The following PAPPA2 variants were observed in gnomAD, a reference collection of about 807,000 sequenced individuals.
The protein encoded by PAPPA2 is pappalysin 2, also known as pappalysin-2.
PAPPA2 carries 86 observed loss-of-function variants against 176.4 expected under a neutral mutation model. That is an observed-to-expected ratio of 0.49 (90% CI 0.41 to 0.58). PAPPA2 has a LOEUF of 0.58. Ranked by LOEUF, PAPPA2 falls within the 20% of genes least tolerant of loss-of-function variation. The pLI is 0.00. For synonymous variants in PAPPA2, 809 were observed against 852.2 expected (o/e 0.95, Z 0.88); for missense variants, 2,073 against 2,256.9 (o/e 0.92, Z 1.65).
chr1:176,514,418 C>A (rs1385945697), intron 1 of PAPPA2, among the ~76,000 whole-genome samples: 1 of 152,204 alleles, frequency 6.6e-6, no homozygotes, highest in Admixed American at 6.5e-5. Flanking sequence ...CAGGCTCCAC[C>A]TCCAACACTG....
chr1:176,594,930 T>C lies in PAPPA2; in HGVS notation c.1326T>C (p.Ser442=). 6.2e-7 allele frequency: 1 copy of C among 1,614,190 alleles called. No homozygotes were observed. Among genetic ancestry groups the C allele is most frequent in the Middle Eastern group, 1.6e-4 (1 of 6,062 alleles). The part of the protein sequence containing the change: ...ALPQSHFQHS[S]QHSSGEEEAT... ...CACAAAGCCATTTTCAGCACAGTTC[T>C]CAGCATTCAAGTGGGGAGGAGGAAG... Residue 442 remains serine, a synonymous_variant, in exon 3 of 23, where the codon TCT becomes TCC. Transcript: ENST00000367662.
At chr1:176,560,647 A>C (rs1651610761) in intron 2 of PAPPA2, among the ~76,000 whole-genome samples, 1 of 152,148 alleles carries the variant, frequency 6.6e-6, no homozygotes, top group Non-Finnish European at 1.5e-5. Context: ...GGAACTGAGA[A>C]CTGGACGTAA....
intron 1 of PAPPA2, among the ~76,000 whole-genome samples, chr1:176,492,064 G>C (rs978935156): frequency 6.6e-6 from 1 of 152,192 alleles, no homozygotes; most frequent in African/African-American, 2.4e-5. Flanking sequence ...ATGCCAATGG[G>C]TCAAATGAAT....
intron 4 of PAPPA2, among the ~76,000 whole-genome samples, chr1:176,685,256 C>T (rs533335651): frequency 6.6e-6 from 1 of 152,172 alleles, no homozygotes; most frequent in Non-Finnish European, 1.5e-5. Context: ...ATTTGCCTTA[C>T]TACTTTAATC....
At chr1:176,498,689 G>T (rs1437510572) in intron 1 of PAPPA2, among the ~76,000 whole-genome samples, 2 of 151,010 alleles carry the variant, frequency 1.3e-5, no homozygotes, top group East Asian at 3.9e-4. Flanking sequence ...TTTGGAAGTT[G>T]CAGTGAGCCG....
intron 2 of PAPPA2, among the ~76,000 whole-genome samples, chr1:176,578,710 T>C (rs1040201846): frequency 6.6e-6 from 1 of 152,134 alleles, no homozygotes; most frequent in East Asian, 1.9e-4. Flanking sequence ...GGCATATCCA[T>C]ATAAGGGAGG....
chr1:176,828,342 A>G (rs1444581550), intron 21 of PAPPA2, among the ~76,000 whole-genome samples: 1 of 152,094 alleles, frequency 6.6e-6, no homozygotes, highest in Non-Finnish European at 1.5e-5. Context: ...CAAAAATAGC[A>G]TTTTGCTTCT....
chr1:176,562,344 A>G (rs1651724014), intron 2 of PAPPA2, among the ~76,000 whole-genome samples: 1 of 152,178 alleles, frequency 6.6e-6, no homozygotes, highest in South Asian at 2.1e-4. Context: ...GGAGCTTCAT[A>G]GAAGGCAGAT....
At chr1:176,616,248 T>C in intron 3 of PAPPA2, 3 of 454,248 alleles carry the variant, frequency 6.6e-6, no homozygotes, top group Non-Finnish European at 1.3e-5. Flanking sequence ...CCACTTCCAA[T>C]AGCATTAGGC....
chr1:176,690,878 A>G (rs546367417), intron 5 of PAPPA2: 2 of 986,228 alleles, frequency 2.0e-6, no homozygotes, highest in African/African-American at 3.5e-5. Context: ...TGGCTTGGTT[A>G]ATTTAGGCTC....
At chr1:176,732,663 A>T (rs1342353749) in intron 12 of PAPPA2, among the ~76,000 whole-genome samples, 2 of 152,332 alleles carry the variant, frequency 1.3e-5, no homozygotes, top group East Asian at 3.9e-4. Flanking sequence ...GAAATGCAGG[A>T]TCTCAGCTCT....
At position 176,726,290 on chromosome 1, in the gene PAPPA2, A is replaced by T. The variant is rs952747184; in HGVS notation, c.3799-13336A>T. Reference sequence around the variant, plus strand: ...GGTATAATTGATCACTTCATCCTTGATACACACTTCTCTCAAAGTCCCTGT... The same window carrying T: ...GGTATAATTGATCACTTCATCCTTGTTACACACTTCTCTCAAAGTCCCTGT... On this transcript the variant is annotated intron_variant, in intron 12 of 22. Transcript: ENST00000367662. 1.1e-4 allele frequency among the ~76,000 whole-genome samples: 16 copies of T among 152,144 alleles called. 1 individual carries two copies. Among genetic ancestry groups the T allele is most frequent in the Admixed American group, 9.8e-4 (15 of 15,280 alleles).
At chr1:176,483,460 CTTTTTTTTT>C (rs56705620) in intron 1 of PAPPA2, among the ~76,000 whole-genome samples, 1 of 48,588 alleles carries the variant, frequency 2.1e-5, no homozygotes, top group African/African-American at 7.4e-5. Context: ...ACTCAGACAT[CTTTTTTTTT>C]TTTTTTTTTT....
intron 2 of PAPPA2, among the ~76,000 whole-genome samples, chr1:176,575,705 C>A (rs1652604012): frequency 6.6e-6 from 1 of 152,124 alleles, no homozygotes. Context: ...TGTAGTTAGG[C>A]TTTATGTGTA....
intron 1 of PAPPA2, among the ~76,000 whole-genome samples, chr1:176,504,241 A>G (rs1647412242): frequency 6.6e-6 from 1 of 152,128 alleles, no homozygotes; most frequent in Non-Finnish European, 1.5e-5. Context: ...TAAACAGTAC[A>G]AAAGAGTGTA....
chr1:176,496,562 C>T (rs556638250), intron 1 of PAPPA2, among the ~76,000 whole-genome samples: 31 of 152,178 alleles, frequency 2.0e-4, no homozygotes, highest in Non-Finnish European at 3.4e-4. Flanking sequence ...CTGGGCACCT[C>T]GTTGTCTTTG....
At chr1:176,538,207 TC>T (rs142193549) in intron 1 of PAPPA2, among the ~76,000 whole-genome samples, 220 of 152,284 alleles carry the variant, frequency 1.4e-3, no homozygotes, top group African/African-American at 5.1e-3. Context: ...CTCCCCTTTC[TC>T]CTTTCCCATT....
intron 21 of PAPPA2, among the ~76,000 whole-genome samples, chr1:176,810,668 G>T (rs535953863): frequency 6.6e-6 from 1 of 152,248 alleles, no homozygotes; most frequent in East Asian, 1.9e-4. Context: ...GCAATAGTGT[G>T]GTTCTGGACC....
intron 3 of PAPPA2, among the ~76,000 whole-genome samples, chr1:176,661,034 A>T (rs1261698100): frequency 6.6e-6 from 1 of 152,090 alleles, no homozygotes; most frequent in Non-Finnish European, 1.5e-5. Flanking sequence ...TTGGGGTCTT[A>T]TGAATACCTC....
Sources: gnomAD v4.1 joint callset for allele counts (sites outside exome capture counted in the v4.1 genomes callset) on GRCh38, gnomAD v4.1.1 for gene constraint, MANE v1.5 for transcripts, NCBI Gene and HGNC (gene_info 2026-07-23, HGNC 2026-07-21) for gene names.